HSF2BP: variants seen among roughly 807,000 people sequenced by gnomAD.
The protein encoded by HSF2BP is heat shock transcription factor 2 binding protein.
Under a neutral mutation model 35.0 loss-of-function variants are expected in HSF2BP, and 35 were observed. The observed-to-expected ratio is 1.00, with a 90% CI of 0.76 to 1.32. HSF2BP has a LOEUF of 1.32. Among genes scored for constraint, HSF2BP ranks in the 40% most tolerant of loss-of-function variants. The probability of loss-of-function intolerance (pLI) is 0.00; values close to 1 mark genes in which losing one functional copy is unlikely to be tolerated. For missense variants in HSF2BP, 326 were observed against 321.7 expected, an observed-to-expected ratio of 1.01 and a Z score of -0.10; for synonymous variants, 114 against 117.4, an observed-to-expected ratio of 0.97 and a Z score of 0.18.
At position 43,601,523 on chromosome 21, in the gene HSF2BP, G is replaced by T. The variant is rs187093307; in HGVS notation, c.693-9195C>A. ...AAAGGCCAAATAAGCAAATTACTTA[G>T]CTATACCTGTTTTTTCTTAAAATGT... On this transcript the variant is annotated intron_variant, in intron 7 of 8. Transcript: ENST00000291560. Among the ~76,000 whole-genome samples, 216 of 152,122 alleles carry T rather than the reference G, an allele frequency of 1.4e-3. 4 individuals carry two copies. The highest frequency in any genetic ancestry group is 1.9e-3 in the Non-Finnish European group (127 of 68,014).
intron 6 of HSF2BP, among the ~76,000 whole-genome samples, chr21:43,625,927 A>G (rs1374750902): frequency 6.6e-6 from 1 of 152,230 alleles, no homozygotes; most frequent in Non-Finnish European, 1.5e-5. Context: ...CAGGCAGCTC[A>G]GATTCACAAC....
In HSF2BP at chr21:43,624,250, C is replaced by T. The variant is rs1211427658; in HGVS notation, c.574+6072G>A. Among the ~76,000 whole-genome samples the T allele has an allele frequency of 3.3e-5, 5 of 152,324 alleles. No individual in the cohort carries two copies. In the South Asian group the frequency reaches 1.0e-3, roughly 32 times the overall value. ...AACAACCCAAATGCCTGTTTATTGA[C>T]CCTTCACTGCTGACTTAGACTCTGA... On this transcript the variant is annotated intron_variant, in intron 6 of 8. Coordinates refer to ENST00000291560, the MANE Select transcript of HSF2BP (RefSeq NM_007031.2).
intron 7 of HSF2BP, among the ~76,000 whole-genome samples, chr21:43,603,710 GT>G (rs1202559653): frequency 3.3e-5 from 5 of 152,178 alleles, no homozygotes; most frequent in Non-Finnish European, 7.3e-5. Flanking sequence ...CAGCTGGTGT[GT>G]CTGGCCACCA....
At chr21:43,607,066 A>G (rs1449777751) in intron 7 of HSF2BP, among the ~76,000 whole-genome samples, 1 of 152,148 alleles carries the variant, frequency 6.6e-6, no homozygotes, top group African/African-American at 2.4e-5. Context: ...AGGAAGGCGG[A>G]TCACTTGAGC....
intron 4 of HSF2BP, among the ~76,000 whole-genome samples, chr21:43,640,299 T>A (rs76012337): frequency 0.044 from 6,759 of 152,244 alleles, 263 homozygotes; most frequent in East Asian, 0.093. Context: ...TGAGACTCTG[T>A]CTCAAGGAAA....
intron 3 of HSF2BP, among the ~76,000 whole-genome samples, chr21:43,651,169 T>C (rs1275525121): frequency 1.3e-5 from 2 of 152,116 alleles, no homozygotes; most frequent in Middle Eastern, 3.2e-3. Flanking sequence ...TCCCACACCA[T>C]CTGAGGAGGT....
intron 3 of HSF2BP, among the ~76,000 whole-genome samples, chr21:43,645,857 G>A (rs1276655115): frequency 6.6e-6 from 1 of 152,120 alleles, no homozygotes; most frequent in Non-Finnish European, 1.5e-5. Flanking sequence ...AGAACCACAC[G>A]TGTATCCCCA....
intron 3 of HSF2BP, among the ~76,000 whole-genome samples, chr21:43,648,890 T>C (rs1275355087): frequency 6.6e-6 from 1 of 152,218 alleles, no homozygotes; most frequent in African/African-American, 2.4e-5. Flanking sequence ...CCCATAAACA[T>C]TCAATTAATA....
chr21:43,599,239 AACACAT>A (rs1444820357), intron 7 of HSF2BP, among the ~76,000 whole-genome samples: 1 of 152,214 alleles, frequency 6.6e-6, no homozygotes, highest in Non-Finnish European at 1.5e-5. Context: ...GCTAAAATGA[AACACAT>A]ACTTACAACA....
rs1276375901 is a variant in HSF2BP at position 43,597,579 on chromosome 21, G to A, written c.693-5251C>T. On this transcript the variant is annotated intron_variant, in intron 7 of 8. Coordinates refer to ENST00000291560, the MANE Select transcript of HSF2BP (RefSeq NM_007031.2). The surrounding 1 kb of genome is among the most constrained non-coding windows in gnomAD (Gnocchi z 4.3). ...TTTGTCACTCAGGCTGGAATGCAGT[G>A]GCACAGTCATTATTCACTGCCACCT... 6.6e-6 allele frequency among the ~76,000 whole-genome samples: 1 copy of A among 152,098 alleles called. No individual in the cohort carries two copies. The highest frequency in any genetic ancestry group is 1.5e-5 in the Non-Finnish European group (1 of 68,018).
At position 43,599,463 on chromosome 21, in the gene HSF2BP, G is replaced by A. The variant is rs138962406; in HGVS notation, c.693-7135C>T. Among the ~76,000 whole-genome samples, 748 of 152,264 alleles carry A rather than the reference G, an allele frequency of 4.9e-3. 1 individual carries two copies. Among genetic ancestry groups the A allele is most frequent in the Non-Finnish European group, 7.6e-3 (515 of 68,030 alleles). Reference sequence around the variant, plus strand: ...TCCAATTATCAAGTCTAAAGAGACTGCCCATTCATTTTACTCTTCTAGTAT... The same window carrying A: ...TCCAATTATCAAGTCTAAAGAGACTACCCATTCATTTTACTCTTCTAGTAT... On this transcript the variant is annotated intron_variant, in intron 7 of 8. Coordinates refer to ENST00000291560, the MANE Select transcript of HSF2BP (RefSeq NM_007031.2).
intron 3 of HSF2BP, among the ~76,000 whole-genome samples, chr21:43,645,740 C>G (rs963407168): frequency 6.6e-6 from 1 of 152,180 alleles, no homozygotes; most frequent in Non-Finnish European, 1.5e-5. Flanking sequence ...AGCTCACAGA[C>G]ACTTCCTCAA....
chr21:43,616,796 T>C (rs57127620), intron 6 of HSF2BP, among the ~76,000 whole-genome samples: 1,961 of 152,092 alleles, frequency 0.013, 44 homozygotes, highest in African/African-American at 0.044. Context: ...CCGGGCGCGG[T>C]GGCAGGTGCC....
intron 3 of HSF2BP, among the ~76,000 whole-genome samples, chr21:43,650,521 TA>T (rs988209228): frequency 3.3e-5 from 5 of 151,876 alleles, no homozygotes; most frequent in African/African-American, 7.3e-5. Context: ...ATTTTATTTA[TA>T]AAAAATAGGA....
chr21:43,592,867 A>G (rs2081943354), intron 7 of HSF2BP, among the ~76,000 whole-genome samples: 1 of 152,220 alleles, frequency 6.6e-6, no homozygotes, highest in South Asian at 2.1e-4. Flanking sequence ...ACAGGACTTT[A>G]TAAGCTGTTT....
chr21:43,630,240 C>T (rs2082437143), intron 6 of HSF2BP, 82 bp downstream of exon 6: 2 of 1,255,492 alleles, frequency 1.6e-6, no homozygotes, highest in African/African-American at 1.5e-5. Flanking sequence ...ATTCATGTGA[C>T]TCATGTATTA....
intron 8 of HSF2BP, among the ~76,000 whole-genome samples, chr21:43,589,839 AAAC>A (rs375122989): frequency 5.3e-4 from 81 of 152,156 alleles, no homozygotes; most frequent in East Asian, 1.5e-3. Context: ...ATAAAAATAA[AAAC>A]AACAACAACA....
At chr21:43,601,141 C>T (rs957997311) in intron 7 of HSF2BP, among the ~76,000 whole-genome samples, 17 of 152,162 alleles carry the variant, frequency 1.1e-4, no homozygotes, top group African/African-American at 3.9e-4. Context: ...CTATGGAAAA[C>T]GTTCTCTGGA....
chr21:43,577,696 C>T (rs1341586103), intron 8 of HSF2BP, among the ~76,000 whole-genome samples: 1 of 152,194 alleles, frequency 6.6e-6, no homozygotes, highest in Non-Finnish European at 1.5e-5. Context: ...CCCCTGTGAC[C>T]TGCACGTATA....
Sources: allele counts gnomAD v4.1 joint callset (sites outside exome capture counted in the v4.1 genomes callset), GRCh38; gene constraint gnomAD v4.1.1; non-coding constraint Gnocchi (gnomAD v3.1); transcripts MANE v1.5; gene names NCBI Gene and HGNC (gene_info 2026-07-23, HGNC 2026-07-21).